Variants in RTKN2 observed in about 807,000 individuals in gnomAD.
RTKN2 encodes the protein rhotekin-2.
RTKN2 carries 69 observed loss-of-function variants against 71.5 expected under a neutral mutation model. That is an observed-to-expected ratio of 0.96 (90% CI 0.79 to 1.18). RTKN2 has a LOEUF of 1.18. Ranked by LOEUF, RTKN2 falls within the 50% of genes most tolerant of loss-of-function variation. The probability of loss-of-function intolerance (pLI) is 0.00; values close to 1 mark genes in which losing one functional copy is unlikely to be tolerated. For missense variants in RTKN2, 724 were observed against 719.7 expected (o/e 1.01, Z -0.07); for synonymous variants, 236 against 236.5 (o/e 1.00, Z 0.02).
Position 62,193,448 on chromosome 10 carries a change from A to AC in RTKN2, c.*4459dup. ...AAAAATGTTTGTTAAAATTTCTGTA[A>AC]CTTTTTTTGTTGTTAATTGAATGTA... On this transcript the variant is annotated 3_prime_UTR_variant, in exon 12 of 12. Transcript: ENST00000373789. The AC allele has an allele frequency of 1.0e-6, 1 of 982,544 alleles. No individual in the cohort carries two copies. The highest frequency in any genetic ancestry group is 1.2e-6 in the Non-Finnish European group (1 of 827,326). 60.9% of individuals were successfully genotyped at this position (982,544 alleles called of 1,614,324 possible).
intron 9 of RTKN2, among the ~76,000 whole-genome samples, chr10:62,210,802 ACTC>A (rs1466120964): frequency 6.6e-6 from 1 of 151,926 alleles, no homozygotes. Flanking sequence ...TCAGATGTAA[ACTC>A]CTACAGGAAA....
At chr10:62,231,177 A>G (rs76649859) in intron 6 of RTKN2, among the ~76,000 whole-genome samples, 2,919 of 152,336 alleles carry the variant, frequency 0.019, 82 homozygotes, top group African/African-American at 0.066. Context: ...GAAACAATAC[A>G]TCTTTTGTCA....
At chr10:62,268,031 C>T (rs1183870121) in intron 1 of RTKN2, among the ~76,000 whole-genome samples, 7 of 152,184 alleles carry the variant, frequency 4.6e-5, no homozygotes, top group Non-Finnish European at 7.3e-5. Context: ...GAGAAAGAAC[C>T]CAGTATCAAA....
intron 9 of RTKN2, among the ~76,000 whole-genome samples, chr10:62,213,464 T>C (rs1050581070): frequency 2.0e-5 from 3 of 152,168 alleles, no homozygotes; most frequent in Admixed American, 2.0e-4. Flanking sequence ...TTGTCGAGGA[T>C]GCATAATCCC....
At chr10:62,185,228 TG>T (rs1589321113) in intron 8 of RTKN2, among the ~76,000 whole-genome samples, 2 of 152,086 alleles carry the variant, frequency 1.3e-5, no homozygotes, top group East Asian at 3.9e-4. Context: ...ATAATTTGTA[TG>T]GCAGATCCTC....
intron 2 of RTKN2, among the ~76,000 whole-genome samples, chr10:62,249,761 A>G (rs1842544614): frequency 6.6e-6 from 1 of 152,198 alleles, no homozygotes; most frequent in African/African-American, 2.4e-5. Flanking sequence ...AAATGAATTA[A>G]TATTTTAAAT....
chr10:62,239,926 T>C (rs1424113477), intron 4 of RTKN2, among the ~76,000 whole-genome samples, 161 bp from the exon 5 acceptor site: 4 of 152,138 alleles, frequency 2.6e-5, no homozygotes, highest in African/African-American at 7.2e-5. Context: ...TCCCAGTATA[T>C]AGGAATACCT....
At chr10:62,239,923 A>C (rs373340314) in intron 4 of RTKN2, among the ~76,000 whole-genome samples, 158 bp from the exon 5 acceptor site, 9 of 152,152 alleles carry the variant, frequency 5.9e-5, no homozygotes, top group Non-Finnish European at 1.3e-4. Context: ...TTCTCCCAGT[A>C]TATAGGAATA....
intron 2 of RTKN2, 108 bp from the exon 3 acceptor site, chr10:62,246,165 T>G (rs752852401): frequency 1.5e-6 from 1 of 650,908 alleles, no homozygotes; most frequent in African/African-American, 1.8e-5. Context: ...TATCCGTGAA[T>G]AATAATGACT....
intron 6 of RTKN2, among the ~76,000 whole-genome samples, chr10:62,223,721 G>A (rs959950529): frequency 2.6e-5 from 4 of 152,164 alleles, no homozygotes; most frequent in African/African-American, 9.7e-5. Context: ...GTACATTGCT[G>A]GTCGGAATGT....
intron 6 of RTKN2, among the ~76,000 whole-genome samples, chr10:62,226,859 G>T (rs1336261097): frequency 6.6e-6 from 1 of 152,230 alleles, no homozygotes; most frequent in Non-Finnish European, 1.5e-5. Context: ...ACTTTGGGAG[G>T]GTGAGGCAGG....
intron 9 of RTKN2, among the ~76,000 whole-genome samples, chr10:62,210,712 G>C (rs1841642217): frequency 6.6e-6 from 1 of 152,134 alleles, no homozygotes; most frequent in Non-Finnish European, 1.5e-5. Flanking sequence ...AATATGTAAT[G>C]CATAGCTGTA....
At chr10:62,260,592 T>C (rs1589386989) in intron 2 of RTKN2, among the ~76,000 whole-genome samples, 1 of 151,986 alleles carries the variant, frequency 6.6e-6, no homozygotes. Flanking sequence ...CACAGATAAT[T>C]AGTAAAGAAA....
intron 7 of RTKN2, 28 bp from the exon 8 acceptor site, chr10:62,218,329 A>G: frequency 9.5e-7 from 1 of 1,054,058 alleles, no homozygotes; most frequent in Non-Finnish European, 1.4e-6. Context: ...AAAAAAAAAA[A>G]TCAAGTTATA....
intron 6 of RTKN2, among the ~76,000 whole-genome samples, chr10:62,233,386 C>T (rs1335202239): frequency 2.0e-5 from 3 of 151,928 alleles, no homozygotes; most frequent in African/African-American, 7.3e-5. Flanking sequence ...CCAGCAAATC[C>T]TTGATATAAT....
chr10:62,233,978 T>C (rs1052104517), intron 6 of RTKN2, among the ~76,000 whole-genome samples: 2 of 152,134 alleles, frequency 1.3e-5, no homozygotes, highest in Non-Finnish European at 2.9e-5. Flanking sequence ...CATAAAACTA[T>C]TTGTGAAGAA....
At chr10:62,266,728 C>T (rs542003959) in intron 1 of RTKN2, among the ~76,000 whole-genome samples, 2 of 152,244 alleles carry the variant, frequency 1.3e-5, no homozygotes, top group Non-Finnish European at 2.9e-5. Context: ...CAATAGTCAT[C>T]TCTGAAGCAC....
chr10:62,214,505 C>A (rs1841726718), intron 9 of RTKN2, among the ~76,000 whole-genome samples: 1 of 152,080 alleles, frequency 6.6e-6, no homozygotes, highest in Non-Finnish European at 1.5e-5. Flanking sequence ...TGGCCATCAG[C>A]CTTTATTACC....
chr10:62,221,366 T>A (rs1393529886), intron 7 of RTKN2, among the ~76,000 whole-genome samples: 1 of 151,748 alleles, frequency 6.6e-6, no homozygotes, highest in Non-Finnish European at 1.5e-5. Context: ...CAAGAAAAAA[T>A]AACCACGGAA....
Sources: allele counts gnomAD v4.1 joint callset (sites outside exome capture counted in the v4.1 genomes callset), GRCh38; gene constraint gnomAD v4.1.1; transcripts MANE v1.5; gene names NCBI Gene and HGNC (gene_info 2026-07-23, HGNC 2026-07-21).